PWWP4: variants seen among roughly 807,000 people sequenced by gnomAD.
PWWP4 encodes putative PWWP domain-containing DNA repair factor 4.
chrX:153,271,655 G>A (rs1198691888), exon 1 of PWWP4, among the ~76,000 whole-genome samples: 1 of 97,360 alleles, frequency 1.0e-5, no homozygotes, highest in Admixed American at 1.2e-4. Context: ...TGGAAAGGCC[G>A]ACTATGGCCA....
chrX:153,269,943 T>C (rs1320141039), upstream of PWWP4, among the ~76,000 whole-genome samples: 1 of 112,150 alleles, frequency 8.9e-6, no homozygotes, highest in African/African-American at 3.2e-5. Context: ...CAGTTGAAGA[T>C]GATATGTGCA....
chrX:153,276,184 G>A (rs1368694200), exon 1 of PWWP4, among the ~76,000 whole-genome samples: 2 of 100,911 alleles, frequency 2.0e-5, no homozygotes, highest in African/African-American at 3.8e-5. Context: ...TACTCCAGGC[G>A]CCCTGCACAG....
chrX:153,270,201 A>T (rs1458083939), upstream of PWWP4, among the ~76,000 whole-genome samples: 167 of 77,429 alleles, frequency 2.2e-3, no homozygotes, highest in African/African-American at 5.8e-3. Context: ...TCTCTCTCTC[A>T]CACACACACA....
chrX:153,272,815 A>G (rs1328108629), exon 1 of PWWP4, among the ~76,000 whole-genome samples: 1 of 107,109 alleles, frequency 9.3e-6, no homozygotes, highest in African/African-American at 3.5e-5. Flanking sequence ...TACTCCAGGG[A>G]CCCTGCAGGG....
the PWWP4 span, among the ~76,000 whole-genome samples, chrX:153,266,456 C>T: frequency 2.5e-5 from 2 of 78,726 alleles, no homozygotes; most frequent in Admixed American, 1.5e-4. Flanking sequence ...CATGTGTGTG[C>T]GTGTTTGTAT....
chrX:153,271,632 C>T (rs1434703282), exon 1 of PWWP4, among the ~76,000 whole-genome samples: 2 of 102,916 alleles, frequency 1.9e-5, no homozygotes, highest in South Asian at 3.9e-4. Context: ...ACTCGGAGTA[C>T]GTCCTATGCT....
the PWWP4 span, among the ~76,000 whole-genome samples, chrX:153,266,317 G>A: frequency 3.9e-5 from 4 of 101,846 alleles, no homozygotes; most frequent in African/African-American, 1.2e-4. Context: ...GTGTGTGTGT[G>A]TGACGGTGTG....
chrX:153,270,732 A>ACATT (rs2051803555), upstream of PWWP4, among the ~76,000 whole-genome samples: 1 of 22,323 alleles, frequency 4.5e-5, no homozygotes, highest in Non-Finnish European at 7.7e-5. Context: ...CATTTACTAA[A>ACATT]CATTCACTTG....
At chrX:153,270,086 T>C (rs1191465752), upstream of PWWP4, among the ~76,000 whole-genome samples, 19 of 108,720 alleles carry the variant, frequency 1.7e-4, no homozygotes, top group Non-Finnish European at 3.6e-4. Context: ...ACCCATTTCA[T>C]GTTATTTGAG....
exon 1 of PWWP4, among the ~76,000 whole-genome samples, chrX:153,272,358 C>T (rs1400568799): frequency 9.1e-6 from 1 of 109,504 alleles, no homozygotes; most frequent in African/African-American, 3.3e-5. Flanking sequence ...CACGGGCGCA[C>T]AGGGCCATTG....
At chrX:153,266,265 C>T in the PWWP4 span, among the ~76,000 whole-genome samples, 2 of 78,127 alleles carry the variant, frequency 2.6e-5, no homozygotes, top group African/African-American at 5.5e-5. Flanking sequence ...GTGTCGGGGG[C>T]GGGGGGGAGG....
upstream of PWWP4, among the ~76,000 whole-genome samples, chrX:153,271,260 C>A (rs2051805441): frequency 8.8e-6 from 1 of 113,197 alleles, no homozygotes; most frequent in African/African-American, 3.2e-5. Context: ...CTGTATGATC[C>A]CAAATACTTG....
upstream of PWWP4, among the ~76,000 whole-genome samples, chrX:153,266,667 GC>G (rs1408026525): frequency 9.9e-6 from 1 of 100,508 alleles, no homozygotes; most frequent in African/African-American, 3.8e-5. Flanking sequence ...GTCCTTTAAA[GC>G]AGAGATCCAC....
chrX:153,272,638 A>G (rs1256488658), exon 1 of PWWP4, among the ~76,000 whole-genome samples: 2 of 92,375 alleles, frequency 2.2e-5, no homozygotes, highest in African/African-American at 8.4e-5. Context: ...AAAGGACATT[A>G]CCCCTACTCC....
At chrX:153,276,215 C>T (rs1395054741) in exon 1 of PWWP4, among the ~76,000 whole-genome samples, 4 of 97,702 alleles carry the variant, frequency 4.1e-5, no homozygotes, top group Non-Finnish European at 8.2e-5. Flanking sequence ...CAGACACATA[C>T]GGCCATCGAT....
the PWWP4 span, among the ~76,000 whole-genome samples, chrX:153,266,241 C>CGCAG: frequency 3.2e-5 from 3 of 92,324 alleles, no homozygotes; most frequent in Non-Finnish European, 4.2e-5. Flanking sequence ...TAGGTGTCTG[C>CGCAG]TATCGATGTG....
chrX:153,276,052 G>A (rs1388758379), exon 1 of PWWP4, among the ~76,000 whole-genome samples: 1 of 99,720 alleles, frequency 1.0e-5, no homozygotes, highest in Non-Finnish European at 2.0e-5. Context: ...ATTTCACACA[G>A]CCATTGCACC....
chrX:153,275,896 A>G (rs2051825639), exon 1 of PWWP4, among the ~76,000 whole-genome samples: 1 of 78,111 alleles, frequency 1.3e-5, no homozygotes, highest in African/African-American at 5.8e-5. Flanking sequence ...CCAGGACATT[A>G]CTCTTACTTC....
At chrX:153,272,748 C>A (rs2051812130) in exon 1 of PWWP4, among the ~76,000 whole-genome samples, 3 of 113,383 alleles carry the variant, frequency 2.6e-5, no homozygotes, top group African/African-American at 9.7e-5. Context: ...CGGCCGTTGT[C>A]CGTACTCCAG....
Sources: gnomAD v4.1 joint callset for allele counts (sites outside exome capture counted in the v4.1 genomes callset) on GRCh38, gnomAD v4.1.1 for gene constraint, MANE v1.5 for transcripts, NCBI Gene and HGNC (gene_info 2026-07-23, HGNC 2026-07-21) for gene names.